PAM: variants seen among roughly 807,000 people sequenced by gnomAD.
The protein encoded by PAM is peptidyl-glycine alpha-amidating monooxygenase.
In PAM, 72 loss-of-function variants were observed where a neutral mutation model predicts 122.1. The observed-to-expected ratio is 0.59, with a 90% confidence interval of 0.49 to 0.72. PAM has a LOEUF of 0.72. PAM is among the 30% of genes least tolerant of loss of function. PAM has a pLI of 0.00. For synonymous variants in PAM, 389 were observed against 404.4 expected (o/e 0.96, Z 0.46); for missense variants, 1,106 against 1,183.7 (o/e 0.93, Z 0.96).
intron 3 of PAM, among the ~76,000 whole-genome samples, chr5:102,884,603 C>T (rs1792357350): frequency 6.6e-6 from 1 of 151,876 alleles, no homozygotes; most frequent in South Asian, 2.1e-4. Context: ...GAAAAATTCT[C>T]TTTGTTTCAC....
Position 102,913,927 on chromosome 5 carries a change from G to C in PAM, c.269-7G>C, listed in dbSNP as rs372247056. ...ATTCACATACATGTATTATTTTCTC[G>C]TAACAGTTGACTTCAAGCCTCGAGC... On this transcript the variant is annotated splice_region_variant and splice_polypyrimidine_tract_variant and intron_variant, in intron 4 of 25. Coordinates refer to ENST00000438793, the MANE Select transcript of PAM (RefSeq NM_001177306.2). The C allele has an allele frequency of 1.9e-6, 3 of 1,560,702 alleles. No homozygotes were observed. The African/African-American group carries it at 4.1e-5, about 21-fold the overall frequency.
intron 3 of PAM, among the ~76,000 whole-genome samples, chr5:102,892,712 G>T: frequency 6.6e-6 from 1 of 151,732 alleles, no homozygotes; most frequent in South Asian, 2.1e-4. Context: ...TGAAAATTCT[G>T]CTAATAGTTG....
intron 12 of PAM, among the ~76,000 whole-genome samples, chr5:102,958,009 A>G (rs1390628851): frequency 6.6e-6 from 1 of 152,216 alleles, no homozygotes; most frequent in Non-Finnish European, 1.5e-5. Context: ...TTTATGCAAC[A>G]GAGAACACAC....
intron 1 of PAM, among the ~76,000 whole-genome samples, chr5:102,805,747 C>A (rs1046076696): frequency 6.6e-6 from 1 of 152,084 alleles, no homozygotes; most frequent in Non-Finnish European, 1.5e-5. Context: ...TTAGTGAAGT[C>A]GTGGAAGGAA....
intron 1 of PAM, among the ~76,000 whole-genome samples, chr5:102,817,656 C>CAGCATTTTAA (rs1437136062): frequency 6.6e-6 from 1 of 151,994 alleles, no homozygotes; most frequent in Admixed American, 6.6e-5. Context: ...ATTTGTGTAA[C>CAGCATTTTAA]AGCATTTTAA....
chr5:102,929,739 A>T (rs1332612752), intron 7 of PAM, among the ~76,000 whole-genome samples: 1 of 152,152 alleles, frequency 6.6e-6, no homozygotes, highest in Non-Finnish European at 1.5e-5. Flanking sequence ...GAGAGAGTAT[A>T]ACCTGAAGCC....
chr5:103,000,156 T>C (rs1187652315), intron 16 of PAM, among the ~76,000 whole-genome samples: 1 of 152,226 alleles, frequency 6.6e-6, no homozygotes, highest in East Asian at 1.9e-4. Context: ...AGTTACACCT[T>C]GAATGCTTTG....
intron 1 of PAM, among the ~76,000 whole-genome samples, chr5:102,788,666 C>T (rs1761236012): frequency 1.3e-5 from 2 of 152,038 alleles, no homozygotes; most frequent in African/African-American, 4.8e-5. Flanking sequence ...ATCATAACAT[C>T]TGTATTATGG....
chr5:102,796,045 GC>G (rs2150044953), intron 1 of PAM, among the ~76,000 whole-genome samples: 1 of 152,272 alleles, frequency 6.6e-6, no homozygotes, highest in Non-Finnish European at 1.5e-5. Flanking sequence ...ATATGCACCA[GC>G]CTCAGCAAAA....
chr5:102,926,051 G>A (rs1454307175), intron 6 of PAM, among the ~76,000 whole-genome samples: 1 of 151,286 alleles, frequency 6.6e-6, no homozygotes, highest in Admixed American at 6.6e-5. Context: ...AAATAAATAT[G>A]AATATATACA....
At chr5:102,950,872 T>C in intron 12 of PAM, 52 bp downstream of exon 12, 1 of 1,015,818 alleles carries the variant, frequency 9.8e-7, no homozygotes, top group Non-Finnish European at 1.5e-6. Context: ...GGATAAGGCA[T>C]GATTACAGGT....
Position 102,925,067 on chromosome 5 carries a change from C to T in PAM, c.442+25C>T, listed in dbSNP as rs200199885. On this transcript the variant is annotated intron_variant, in intron 6 of 25. Coordinates refer to ENST00000438793, the MANE Select transcript of PAM (RefSeq NM_001177306.2). Reference sequence around the variant, plus strand: ...GGTATGTCAGAGCCTCTTGGGTGGTCTTATGTTCAGCTGCTTAATTTCTGT... The same window carrying T: ...GGTATGTCAGAGCCTCTTGGGTGGTTTTATGTTCAGCTGCTTAATTTCTGT... 7.9e-6 allele frequency: 9 copies of T among 1,137,276 alleles called. No homozygotes were observed. The East Asian group carries it at 2.1e-4, about 27-fold the overall frequency. 70.4% of individuals were successfully genotyped at this position (1,137,276 alleles called of 1,614,324 possible). A position where few individuals can be genotyped will look rare whatever the true frequency, so the allele number is the denominator to read the frequency against.
At chr5:102,790,090 T>G (rs1331708199) in intron 1 of PAM, among the ~76,000 whole-genome samples, 2 of 152,144 alleles carry the variant, frequency 1.3e-5, no homozygotes, top group African/African-American at 4.8e-5. Context: ...ATTTGTTGAT[T>G]GTTATTTGTT....
chr5:102,871,149 A>G (rs1787293061), intron 3 of PAM, among the ~76,000 whole-genome samples: 2 of 152,140 alleles, frequency 1.3e-5, no homozygotes, highest in Admixed American at 6.5e-5. Flanking sequence ...TGCAGTCTCA[A>G]CTCAAATTTG....
chr5:102,825,323 A>G (rs1352083690), intron 1 of PAM, among the ~76,000 whole-genome samples: 2 of 152,206 alleles, frequency 1.3e-5, no homozygotes, highest in Non-Finnish European at 2.9e-5. Context: ...TCAATCTAAA[A>G]CTAAAAAATT....
chr5:102,967,366 CAA>C (rs1278650497), intron 14 of PAM, among the ~76,000 whole-genome samples: 1 of 152,110 alleles, frequency 6.6e-6, no homozygotes, highest in Non-Finnish European at 1.5e-5. Context: ...TTATAAGAAT[CAA>C]AAGTTAGGGA....
intron 15 of PAM, among the ~76,000 whole-genome samples, chr5:102,977,425 TG>T (rs1394673214): frequency 6.6e-6 from 1 of 152,190 alleles, no homozygotes; most frequent in African/African-American, 2.4e-5. Context: ...TGTGTCTTAT[TG>T]TATCTCTAGG....
At chr5:102,868,144 T>C (rs1421160931) in intron 3 of PAM, among the ~76,000 whole-genome samples, 1 of 152,260 alleles carries the variant, frequency 6.6e-6, no homozygotes, top group Non-Finnish European at 1.5e-5. Flanking sequence ...TGTGTGTCAT[T>C]AAAAGATAGT....
At chr5:102,882,757 C>T (rs951576011) in intron 3 of PAM, among the ~76,000 whole-genome samples, 5 of 151,950 alleles carry the variant, frequency 3.3e-5, no homozygotes, top group African/African-American at 1.2e-4. Flanking sequence ...GTTTTTGTTG[C>T]AGTTGCTTTT....
Sources: allele counts gnomAD v4.1 joint callset (sites outside exome capture counted in the v4.1 genomes callset), GRCh38; gene constraint gnomAD v4.1.1; transcripts MANE v1.5; gene names NCBI Gene and HGNC (gene_info 2026-07-23, HGNC 2026-07-21).